The following CNTN1 variants were observed in gnomAD, a reference collection of about 807,000 sequenced individuals.
The protein encoded by CNTN1 is contactin-1.
A neutral mutation model predicts 126.4 loss-of-function variants in CNTN1; 38 were observed. The ratio of observed to expected loss-of-function variants is 0.30; its 90% confidence interval spans 0.23 to 0.39. CNTN1 has a LOEUF of 0.39. CNTN1 is among the 10% of genes least tolerant of loss of function. CNTN1 has a pLI of 1.00. For synonymous variants in CNTN1, 413 were observed against 422.6 expected (o/e 0.98, Z 0.28); for missense variants, 1,009 against 1,248.4 (o/e 0.81, Z 2.89).
At chr12:40,711,694 C>T (rs1941917235) in intron 1 of CNTN1, among the ~76,000 whole-genome samples, 1 of 151,698 alleles carries the variant, frequency 6.6e-6, no homozygotes. Flanking sequence ...CCTCCTCCTC[C>T]TCTTCCTACT....
chr12:40,959,796 A>T (rs757546134), intron 15 of CNTN1, among the ~76,000 whole-genome samples: 12 of 152,120 alleles, frequency 7.9e-5, no homozygotes, highest in Non-Finnish European at 1.5e-4. Flanking sequence ...GGCCGCTGCC[A>T]TAGCAGTGAG....
At chr12:40,963,075 C>A (rs1049324484) in intron 15 of CNTN1, among the ~76,000 whole-genome samples, 1 of 151,894 alleles carries the variant, frequency 6.6e-6, no homozygotes, top group Non-Finnish European at 1.5e-5. Flanking sequence ...TTCAACCAGC[C>A]CCCTAAGGAT....
chr12:41,050,765 T>G (rs1477045696), intron 23 of CNTN1, among the ~76,000 whole-genome samples: 1 of 152,220 alleles, frequency 6.6e-6, no homozygotes, highest in Non-Finnish European at 1.5e-5. Flanking sequence ...CACCCAATTA[T>G]AACCGGAAGT....
chr12:41,050,158 C>T (rs1029283669), intron 23 of CNTN1, among the ~76,000 whole-genome samples: 2 of 152,092 alleles, frequency 1.3e-5, no homozygotes, highest in African/African-American at 4.8e-5. Flanking sequence ...CCTCGGCCTC[C>T]CAAAGTGCTG....
At chr12:40,720,003 A>ATTTTTT (rs561694238) in intron 1 of CNTN1, among the ~76,000 whole-genome samples, 34 of 127,236 alleles carry the variant, frequency 2.7e-4, no homozygotes, top group African/African-American at 5.1e-4. Flanking sequence ...CGCCCGGTTA[A>ATTTTTT]TTTTTTTTTT....
At chr12:40,923,846 T>C (rs1416523079) in intron 5 of CNTN1, among the ~76,000 whole-genome samples, 1 of 152,106 alleles carries the variant, frequency 6.6e-6, no homozygotes, top group East Asian at 1.9e-4. Context: ...GTATACACTT[T>C]ATACTGAGAA....
intron 17 of CNTN1, among the ~76,000 whole-genome samples, chr12:41,002,261 A>G (rs187348826): frequency 4.9e-4 from 75 of 152,264 alleles, no homozygotes; most frequent in Admixed American, 5.2e-4. Context: ...GATGCTTTCT[A>G]TCCACGAGCA....
chr12:40,803,685 G>C (rs1940735900), intron 1 of CNTN1, among the ~76,000 whole-genome samples: 1 of 151,862 alleles, frequency 6.6e-6, no homozygotes. Context: ...ATATAAGTTT[G>C]AATTTATTAT....
chr12:40,923,278 G>C (rs1043859503), intron 5 of CNTN1, among the ~76,000 whole-genome samples: 9 of 152,060 alleles, frequency 5.9e-5, no homozygotes, highest in Non-Finnish European at 1.2e-4. Context: ...AAAATTAGAG[G>C]TTGTTTTGAA....
At position 40,766,085 on chromosome 12, in the gene CNTN1, C is replaced by T. The variant is rs535850361; in HGVS notation, c.-77+73493C>T. On this transcript the variant is annotated intron_variant, in intron 1 of 23. Transcript: ENST00000551295. ...AGGAAATTGCATTCCAGGCTGGGCA[C>T]GGTGGCTCACGCCTGTAGTCCCAGC... Among the ~76,000 whole-genome samples, 46 of 152,188 alleles carry T rather than the reference C, an allele frequency of 3.0e-4. 1 individual carries two copies. In the South Asian group the frequency reaches 7.9e-3, roughly 26 times the overall value.
At chr12:40,867,912 G>A (rs1943355431) in intron 1 of CNTN1, among the ~76,000 whole-genome samples, 1 of 138,806 alleles carries the variant, frequency 7.2e-6, no homozygotes, top group Non-Finnish European at 1.5e-5. Flanking sequence ...TTATTATTTT[G>A]TTGATATCTT....
chr12:40,800,164 T>A (rs1940591455), intron 1 of CNTN1, among the ~76,000 whole-genome samples: 1 of 151,862 alleles, frequency 6.6e-6, no homozygotes, highest in African/African-American at 2.4e-5. Context: ...CTCATGCTGT[T>A]CTCATGACAG....
At chr12:40,993,506 T>C (rs1948140977) in intron 17 of CNTN1, among the ~76,000 whole-genome samples, 1 of 151,658 alleles carries the variant, frequency 6.6e-6, no homozygotes, top group Non-Finnish European at 1.5e-5. Flanking sequence ...AATATATTAA[T>C]TAAGAATTAA....
chr12:40,952,256 T>TA (rs1030675971), intron 14 of CNTN1, among the ~76,000 whole-genome samples: 74 of 152,206 alleles, frequency 4.9e-4, no homozygotes, highest in African/African-American at 1.7e-3. Flanking sequence ...TCCTTATTTC[T>TA]AAAATGGGAA....
At chr12:40,821,049 G>C (rs73116787) in intron 1 of CNTN1, among the ~76,000 whole-genome samples, 3,423 of 152,226 alleles carry the variant, frequency 0.022, 126 homozygotes, top group African/African-American at 0.078. Flanking sequence ...TTGATTCGTA[G>C]TTCTCAGAAG....
intron 16 of CNTN1, among the ~76,000 whole-genome samples, chr12:40,983,760 T>C (rs1947879828): frequency 6.8e-6 from 1 of 147,836 alleles, no homozygotes; most frequent in Non-Finnish European, 1.5e-5. Flanking sequence ...ATTATATTAC[T>C]ATATATTAAT....
At chr12:41,032,573 C>T (rs1353343302) in intron 23 of CNTN1, among the ~76,000 whole-genome samples, 1 of 152,108 alleles carries the variant, frequency 6.6e-6, no homozygotes. Flanking sequence ...ACTTGTTCTC[C>T]CTTCTGCCTG....
intron 1 of CNTN1, among the ~76,000 whole-genome samples, chr12:40,721,943 G>C (rs1942228467): frequency 6.6e-6 from 1 of 150,520 alleles, no homozygotes; most frequent in Non-Finnish European, 1.5e-5. Context: ...TCTTAATCCA[G>C]TCTATCATTG....
chr12:40,986,938 T>G (rs1054618736), intron 16 of CNTN1, among the ~76,000 whole-genome samples: 1 of 152,196 alleles, frequency 6.6e-6, no homozygotes, highest in African/African-American at 2.4e-5. Context: ...ACTGTTTTCT[T>G]CTTGCTAACA....
Sources: allele counts gnomAD v4.1 joint callset (sites outside exome capture counted in the v4.1 genomes callset), GRCh38; gene constraint gnomAD v4.1.1; transcripts MANE v1.5; gene names NCBI Gene and HGNC (gene_info 2026-07-23, HGNC 2026-07-21).